Variants in GPC5 observed in about 807,000 individuals in gnomAD.
The protein encoded by GPC5 is glypican 5.
A neutral mutation model predicts 53.9 loss-of-function variants in GPC5; 47 were observed. The observed-to-expected ratio is 0.87, with a 90% CI of 0.69 to 1.11. The LOEUF is 1.11. GPC5 is among the 50% of genes most tolerant of loss of function. The pLI is 0.00. For synonymous variants in GPC5, 286 were observed against 263.3 expected (o/e 1.09, Z -0.84); for missense variants, 748 against 713.1 (o/e 1.05, Z -0.56).
chr13:92,190,999 T>C (rs539919120), intron 7 of GPC5, among the ~76,000 whole-genome samples: 17 of 152,080 alleles, frequency 1.1e-4, no homozygotes, highest in African/African-American at 3.6e-4. Context: ...TAAAAACACA[T>C]GTAGATTAAA....
chr13:92,375,327 CCTTGGTGTGTGT>C (rs1166788234), intron 7 of GPC5, among the ~76,000 whole-genome samples: 1 of 152,076 alleles, frequency 6.6e-6, no homozygotes, highest in East Asian at 1.9e-4. Context: ...AAGGCGACTT[CCTTGGTGTGTGT>C]CTTGGTCACT....
At chr13:91,608,272 A>G (rs1442942518) in intron 2 of GPC5, among the ~76,000 whole-genome samples, 1 of 152,206 alleles carries the variant, frequency 6.6e-6, no homozygotes, top group Non-Finnish European at 1.5e-5. Context: ...GTAATAGATG[A>G]TAATAAAATA....
Position 91,693,256 on chromosome 13 carries a change from A to G in GPC5, c.395A>G (p.Asn132Ser), listed in dbSNP as rs535345340. 3.7e-6 allele frequency: 6 copies of G among 1,614,142 alleles called. No homozygotes were observed. The East Asian group carries it at 1.1e-4, about 30-fold the overall frequency. ...TSILFCSTYR[N>S]MALEAAASVQ... Reference sequence around the variant, plus strand: ...ATACTTTTTTGCAGTACCTACAGGAACATGGCCTTGGAGGCTGCTGCTTCG... The same window carrying G: ...ATACTTTTTTGCAGTACCTACAGGAGCATGGCCTTGGAGGCTGCTGCTTCG... Residue 132 changes from asparagine to serine, a missense_variant, in exon 3 of 8, where the codon AAC (asparagine) becomes AGC (serine). Physicochemically the swap from Asn to Ser is conservative, Grantham distance 46. Transcript: ENST00000377067.
At chr13:91,970,917 C>T (rs1026319091) in intron 6 of GPC5, among the ~76,000 whole-genome samples, 4 of 152,126 alleles carry the variant, frequency 2.6e-5, no homozygotes, top group African/African-American at 9.7e-5. Context: ...GGATATTGGT[C>T]TAAAGTTCTC....
intron 5 of GPC5, among the ~76,000 whole-genome samples, chr13:91,762,937 CAT>C (rs1491540852): frequency 1.3e-5 from 2 of 152,112 alleles, no homozygotes; most frequent in East Asian, 3.8e-4. Flanking sequence ...ACCTATAATA[CAT>C]TTTTTTTGCA....
intron 2 of GPC5, among the ~76,000 whole-genome samples, chr13:91,559,219 A>G (rs894588460): frequency 6.6e-6 from 1 of 152,168 alleles, no homozygotes; most frequent in Non-Finnish European, 1.5e-5. Context: ...ATGGTTGACT[A>G]TGATGAAAGC....
At position 92,396,567 on chromosome 13, in the gene GPC5, C is replaced by A. The variant is rs116568452; in HGVS notation, c.1561+251578C>A. Among the ~76,000 whole-genome samples, 1,403 of 151,910 alleles carry A rather than the reference C, an allele frequency of 9.2e-3. 14 individuals are homozygous for A. The highest frequency in any genetic ancestry group is 0.032 in the African/African-American group (1,323 of 41,394). On this transcript the variant is annotated intron_variant, in intron 7 of 7. Transcript: ENST00000377067. ...TAAGTTCCATGATACACATGCAGGG[C>A]GTGCAGCCTTGTTACATAGGTAAAC...
intron 6 of GPC5, among the ~76,000 whole-genome samples, chr13:92,071,544 A>G (rs1728994881): frequency 6.6e-6 from 1 of 151,978 alleles, no homozygotes; most frequent in Admixed American, 6.6e-5. Flanking sequence ...TGCTGAGTAA[A>G]CTTTTCTTAT....
At chr13:92,845,271 G>A (rs949873044) in intron 7 of GPC5, among the ~76,000 whole-genome samples, 4 of 152,068 alleles carry the variant, frequency 2.6e-5, no homozygotes, top group Admixed American at 6.6e-5. Flanking sequence ...CCAGAGAAAC[G>A]CTGACTTGAC....
intron 5 of GPC5, among the ~76,000 whole-genome samples, chr13:91,847,219 C>CAAAAAAAAAA (rs58401616): frequency 1.2e-5 from 1 of 86,028 alleles, no homozygotes; most frequent in African/African-American, 4.8e-5. Flanking sequence ...GACTCCATCT[C>CAAAAAAAAAA]AAAAAAAAAA....
At chr13:91,454,133 C>G (rs1477527094) in intron 2 of GPC5, among the ~76,000 whole-genome samples, 1 of 151,990 alleles carries the variant, frequency 6.6e-6, no homozygotes, top group East Asian at 1.9e-4. Flanking sequence ...TCCTTTATCT[C>G]TGCAATGTTA....
intron 2 of GPC5, among the ~76,000 whole-genome samples, chr13:91,532,609 T>A (rs1162378004): frequency 6.6e-6 from 1 of 152,204 alleles, no homozygotes; most frequent in Non-Finnish European, 1.5e-5. Context: ...TTCACACCTG[T>A]AATCCCAGCA....
intron 5 of GPC5, among the ~76,000 whole-genome samples, chr13:91,810,784 A>G (rs1351488225): frequency 6.6e-6 from 1 of 151,902 alleles, no homozygotes; most frequent in Non-Finnish European, 1.5e-5. Flanking sequence ...ATGTCACCAG[A>G]TGTTATAGTA....
At chr13:91,435,695 G>T (rs1879883683) in intron 1 of GPC5, among the ~76,000 whole-genome samples, 1 of 152,176 alleles carries the variant, frequency 6.6e-6, no homozygotes, top group African/African-American at 2.4e-5. Context: ...GATGATGCTG[G>T]CCTCATAAAA....
At chr13:91,657,800 A>C (rs1374136528) in intron 2 of GPC5, among the ~76,000 whole-genome samples, 1 of 152,174 alleles carries the variant, frequency 6.6e-6, no homozygotes, top group African/African-American at 2.4e-5. Context: ...ATCAAAGACC[A>C]TGGATAGTAT....
intron 7 of GPC5, among the ~76,000 whole-genome samples, chr13:92,577,278 A>G (rs1883215836): frequency 6.6e-6 from 1 of 152,118 alleles, no homozygotes; most frequent in South Asian, 2.1e-4. Flanking sequence ...TCACCAACCC[A>G]TTACCCCAGT....
At chr13:92,573,676 G>T (rs533708577) in intron 7 of GPC5, among the ~76,000 whole-genome samples, 1 of 152,186 alleles carries the variant, frequency 6.6e-6, no homozygotes, top group African/African-American at 2.4e-5. Context: ...TGCACCCTTG[G>T]TCAACAGAGC....
At chr13:92,236,780 A>G (rs2042573454) in intron 7 of GPC5, among the ~76,000 whole-genome samples, 1 of 152,158 alleles carries the variant, frequency 6.6e-6, no homozygotes, top group African/African-American at 2.4e-5. Flanking sequence ...TAAAATTAGC[A>G]CAAAGGTCTT....
Position 91,689,231 on chromosome 13 carries a change from A to G in GPC5, c.326-3956A>G, listed in dbSNP as rs796626322. 1.3e-4 allele frequency among the ~76,000 whole-genome samples: 11 copies of G among 85,392 alleles called. No homozygotes were observed. The East Asian group carries it at 2.4e-3, about 18-fold the overall frequency. The allele number at this position is 85,392 out of a possible 152,430, so 56.0% of individuals were successfully genotyped here. On this transcript the variant is annotated intron_variant, in intron 2 of 7. Coordinates refer to ENST00000377067, the MANE Select transcript of GPC5 (RefSeq NM_004466.6). ...TATATATATATATATATATATATAT[A>G]CACATATAAAATTATGGTATAAATT...
Sources: allele counts gnomAD v4.1 joint callset (sites outside exome capture counted in the v4.1 genomes callset), GRCh38; gene constraint gnomAD v4.1.1; transcripts MANE v1.5; gene names NCBI Gene and HGNC (gene_info 2026-07-23, HGNC 2026-07-21).